The following COPG2 variants were observed in gnomAD, a reference collection of about 807,000 sequenced individuals.
COPG2 encodes coat protein complex I subunit gamma 2, also known as coatomer subunit gamma-2.
COPG2 carries 37 observed loss-of-function variants against 46.3 expected under a neutral mutation model. That is an observed-to-expected ratio of 0.80 (90% confidence interval 0.61 to 1.05). COPG2 has a LOEUF of 1.05. Ranked by LOEUF, COPG2 falls within the 50% of genes least tolerant of loss-of-function variation. COPG2 has a pLI of 0.00. For synonymous variants in COPG2, 159 were observed against 129.7 expected (o/e 1.23, Z -1.53); for missense variants, 427 against 387.8 (o/e 1.10, Z -0.85).
intron 4 of COPG2, among the ~76,000 whole-genome samples, chr7:130,654,789 C>CT (rs1236683313): frequency 3.3e-5 from 5 of 151,946 alleles, no homozygotes; most frequent in Non-Finnish European, 7.4e-5. Context: ...TTCCTCTCTG[C>CT]TTTATTTTGG....
chr7:130,540,004 G>C (rs1033402309), intron 20 of COPG2, among the ~76,000 whole-genome samples: 8 of 144,532 alleles, frequency 5.5e-5, no homozygotes, highest in African/African-American at 1.7e-4. Flanking sequence ...TTGGGCCAGG[G>C]TCTTTGCTAT....
chr7:130,647,235 C>A (rs1795630160), intron 5 of COPG2, among the ~76,000 whole-genome samples: 1 of 151,814 alleles, frequency 6.6e-6, no homozygotes, highest in Admixed American at 6.6e-5. Context: ...GGGGTTTCCC[C>A]ATGTTGGCCA....
At chr7:130,541,002 C>T (rs1799930132) in intron 20 of COPG2, among the ~76,000 whole-genome samples, 2 of 152,158 alleles carry the variant, frequency 1.3e-5, no homozygotes, top group African/African-American at 4.8e-5. Context: ...TGGGGTCCTG[C>T]ATTCTCGGGT....
chr7:130,553,155 G>T (rs2116389924), intron 14 of COPG2, among the ~76,000 whole-genome samples: 1 of 152,312 alleles, frequency 6.6e-6, no homozygotes, highest in East Asian at 1.9e-4. Flanking sequence ...GCCCAGAGAA[G>T]AAAGTGTGGT....
At position 130,611,105 on chromosome 7, in the gene COPG2, A is replaced by G. The variant is rs782123659; in HGVS notation, c.585T>C (p.His195=). The G allele has an allele frequency of 2.5e-6, 4 of 1,613,160 alleles. No homozygotes were observed. The highest frequency in any genetic ancestry group is 2.7e-5 in the African/African-American group (2 of 74,920). ...TAAGGTGATACAGGACTCCCAATGC[A>G]TGGTACTAAAGAACATGAAAAAGAA... ...ASSDNIMVQY[H]ALGVLYHLRK... The change falls in exon 9 of 24, where the codon CAT becomes CAC. Residue 195 remains histidine, a synonymous_variant. Coordinates refer to ENST00000425248, the MANE Select transcript of COPG2 (RefSeq NM_012133.6).
chr7:130,650,945 G>C (rs1439555229), intron 5 of COPG2, among the ~76,000 whole-genome samples: 1 of 152,090 alleles, frequency 6.6e-6, no homozygotes, highest in African/African-American at 2.4e-5. Flanking sequence ...CTAGACTTAC[G>C]ATTATATGAG....
chr7:130,553,097 G>A (rs1384496277), intron 14 of COPG2, among the ~76,000 whole-genome samples: 2 of 152,198 alleles, frequency 1.3e-5, no homozygotes, highest in Non-Finnish European at 2.9e-5. Context: ...GAAAAAGGCA[G>A]GATAAGAGTA....
Position 130,612,273 on chromosome 7 carries a change from TG to T in COPG2, c.493-36del, listed in dbSNP as rs1554452238. ...GAAAAAAAAAAATGAGAATAAATAA[TG>T]CTTGGTCACTAGAAGCTTAGAAACA... On this transcript the variant is annotated intron_variant, in intron 7 of 23. Coordinates refer to ENST00000425248, the MANE Select transcript of COPG2 (RefSeq NM_012133.6). The T allele has an allele frequency of 3.1e-6, 4 of 1,310,152 alleles. No homozygotes were observed. The South Asian group carries it at 5.7e-5, about 19-fold the overall frequency. The allele number at this position is 1,310,152 out of a possible 1,614,324, so 81.2% of individuals were successfully genotyped here.
chr7:130,591,762 G>C (rs1314676362), intron 9 of COPG2, among the ~76,000 whole-genome samples: 1 of 146,186 alleles, frequency 6.8e-6, no homozygotes, highest in Admixed American at 6.7e-5. Context: ...CAGCCACCCC[G>C]TCCGGGAGGG....
At chr7:130,550,692 A>G (rs2116386360) in intron 16 of COPG2, 43 bp from the exon 17 acceptor site, 1 of 393,602 alleles carries the variant, frequency 2.5e-6, no homozygotes, top group Non-Finnish European at 4.5e-6. Flanking sequence ...CCTCTTGCCA[A>G]TCCTCGAATC....
Position 130,506,514 on chromosome 7 carries a change from A to AAGAT in COPG2, c.*158_*161dup, listed in dbSNP as rs1415928822. On this transcript the variant is annotated 3_prime_UTR_variant, in exon 24 of 24. Transcript: ENST00000425248. ...AAAAAAAAAAAACAACCCATGCGCA[A>AAGAT]AGATAGACATTTGCTTGATCTGCTG... The AAGAT allele has an allele frequency of 1.9e-5, 9 of 476,482 alleles. No homozygotes were observed. Among genetic ancestry groups the AAGAT allele is most frequent in the African/African-American group, 1.0e-4 (5 of 49,616 alleles). The allele number at this position is 476,482 out of a possible 1,614,324, so 29.5% of individuals were successfully genotyped here. A position where few individuals can be genotyped will look rare whatever the true frequency, so the allele number is the denominator to read the frequency against.
chr7:130,610,570 A>G (rs1160770514), intron 9 of COPG2: 1 of 522,846 alleles, frequency 1.9e-6, no homozygotes, highest in East Asian at 5.4e-5. Flanking sequence ...TGTGCCTCAG[A>G]CTTGTGGAAT....
At chr7:130,603,997 A>T in intron 9 of COPG2, 1 of 400,838 alleles carries the variant, frequency 2.5e-6, no homozygotes, top group Admixed American at 3.0e-5. Context: ...AGAAAATATT[A>T]AGAAAATCAT....
At position 130,506,503 on chromosome 7, in the gene COPG2, AC is replaced by A. The variant is rs1443093131; in HGVS notation, c.*172del. On this transcript the variant is annotated 3_prime_UTR_variant, in exon 24 of 24. Coordinates refer to ENST00000425248, the MANE Select transcript of COPG2 (RefSeq NM_012133.6). Reference sequence around the variant, plus strand: ...ATAAAAAGAAAAAAAAAAAAAAACAACCCATGCGCAAAGATAGACATTTGCT... The same window carrying A: ...ATAAAAAGAAAAAAAAAAAAAAACAACCATGCGCAAAGATAGACATTTGCT... 6.7e-6 allele frequency: 3 copies of A among 447,778 alleles called. No individual in the cohort carries two copies. Among genetic ancestry groups the A allele is most frequent in the Non-Finnish European group, 1.2e-5 (3 of 252,792 alleles). The allele number at this position is 447,778 out of a possible 1,614,324, so 27.7% of individuals were successfully genotyped here. A position where few individuals can be genotyped will look rare whatever the true frequency, so the allele number is the denominator to read the frequency against.
At chr7:130,509,754 T>C (rs371782164) in intron 20 of COPG2, 8 of 518,842 alleles carry the variant, frequency 1.5e-5, no homozygotes, top group Middle Eastern at 3.2e-4. Context: ...GTGGGCTGTG[T>C]GTGTGTGTGA....
chr7:130,666,999 T>C (rs1554461570), intron 2 of COPG2, 70 bp from the exon 3 acceptor site: 1 of 753,382 alleles, frequency 1.3e-6, no homozygotes, highest in Non-Finnish European at 2.2e-6. Context: ...AAATCAACTT[T>C]AATACAGACT....
rs1437112964 is a variant in COPG2, at chr7:130,564,296, T to G, written c.835A>C (p.Asn279His). ...EAASAIIHLP[N>H]CTARELAPAV... ...GGTGCCAACTCTCTTGCAGTGCAGT[T>G]AGGAAGATGGATGATAGCTGAAGCA... The change falls in exon 10 of 24, where the codon AAC (asparagine) becomes CAC (histidine). Residue 279 changes from asparagine (N) to histidine (H), a missense_variant. Coordinates refer to ENST00000425248, the MANE Select transcript of COPG2 (RefSeq NM_012133.6). 1 of 398,478 alleles carries G rather than the reference T, an allele frequency of 2.5e-6. No individual in the cohort carries two copies. The highest frequency in any genetic ancestry group is 2.1e-5 in the African/African-American group (1 of 48,620). 24.7% of individuals were successfully genotyped at this position (398,478 alleles called of 1,614,324 possible).
At chr7:130,619,470 T>C (rs1795002118) in intron 5 of COPG2, among the ~76,000 whole-genome samples, 1 of 152,222 alleles carries the variant, frequency 6.6e-6, no homozygotes, top group African/African-American at 2.4e-5. Flanking sequence ...AAAAAATTAA[T>C]GCACGTAAGC....
chr7:130,512,428 C>T (rs1554441148), intron 20 of COPG2, among the ~76,000 whole-genome samples: 1 of 151,332 alleles, frequency 6.6e-6, no homozygotes, highest in South Asian at 2.1e-4. Flanking sequence ...ATTATTGCTA[C>T]TAGATGGGGA....
Sources: allele counts gnomAD v4.1 joint callset (sites outside exome capture counted in the v4.1 genomes callset), GRCh38; gene constraint gnomAD v4.1.1; transcripts MANE v1.5; gene names NCBI Gene and HGNC (gene_info 2026-07-23, HGNC 2026-07-21).